The following NEDD4L variants were observed in gnomAD, a reference collection of about 807,000 sequenced individuals.
The protein encoded by NEDD4L is NEDD4 like E3 ubiquitin protein ligase, also known as E3 ubiquitin-protein ligase NEDD4-like.
NEDD4L carries 54 observed loss-of-function variants against 148.9 expected under a neutral mutation model. The observed-to-expected ratio is 0.36, with a 90% CI of 0.29 to 0.45. The LOEUF (loss-of-function observed/expected upper bound fraction) is 0.45. NEDD4L is among the 20% of genes least tolerant of loss of function. NEDD4L has a pLI of 1.00. For synonymous variants in NEDD4L, 433 were observed against 440.7 expected (o/e 0.98, Z 0.22); for missense variants, 856 against 1,233.8 (o/e 0.69, Z 4.59).
At chr18:58,291,326 T>C (rs1406289502) in intron 5 of NEDD4L, among the ~76,000 whole-genome samples, 6 of 152,250 alleles carry the variant, frequency 3.9e-5, no homozygotes. Flanking sequence ...TAGCCAAAAC[T>C]GGTAAGATGG....
chr18:58,356,805 T>C (rs1283941480), intron 18 of NEDD4L, among the ~76,000 whole-genome samples: 1 of 152,254 alleles, frequency 6.6e-6, no homozygotes, highest in East Asian at 1.9e-4. Flanking sequence ...ATCGTGTGTG[T>C]GTTTGTTAGC....
At chr18:58,323,430 G>T in intron 8 of NEDD4L, 96 bp downstream of exon 8, 1 of 721,596 alleles carries the variant, frequency 1.4e-6, no homozygotes. Flanking sequence ...AGTTTAGAAA[G>T]CTTAAATATA....
chr18:58,111,642 C>G (rs1456758644), intron 1 of NEDD4L, among the ~76,000 whole-genome samples: 1 of 152,118 alleles, frequency 6.6e-6, no homozygotes, highest in Non-Finnish European at 1.5e-5. Context: ...AAATACTAGT[C>G]TGTTGTATGG....
chr18:58,118,060 A>G (rs2085971734), intron 1 of NEDD4L, among the ~76,000 whole-genome samples: 1 of 152,220 alleles, frequency 6.6e-6, no homozygotes, highest in African/African-American at 2.4e-5. Flanking sequence ...TTGTCCCCTC[A>G]AGATGACTTA....
At chr18:58,281,583 A>G (rs562735076) in intron 5 of NEDD4L, among the ~76,000 whole-genome samples, 40 of 152,120 alleles carry the variant, frequency 2.6e-4, no homozygotes, top group African/African-American at 8.2e-4. Flanking sequence ...TTACCAAACA[A>G]TATTAACAAG....
chr18:58,115,149 G>C (rs1177456207), intron 1 of NEDD4L, among the ~76,000 whole-genome samples: 1 of 152,002 alleles, frequency 6.6e-6, no homozygotes, highest in Non-Finnish European at 1.5e-5. Flanking sequence ...TGTGAACCTG[G>C]CTCACTGGCC....
At chr18:58,048,786 G>A (rs922267047) in intron 1 of NEDD4L, among the ~76,000 whole-genome samples, 11 of 152,108 alleles carry the variant, frequency 7.2e-5, no homozygotes, top group African/African-American at 2.7e-4. Context: ...CCTAGTTACA[G>A]TCAGTGGCTG....
At chr18:58,270,533 C>T (rs903010026) in intron 5 of NEDD4L, among the ~76,000 whole-genome samples, 7 of 152,160 alleles carry the variant, frequency 4.6e-5, no homozygotes, top group Non-Finnish European at 5.9e-5. Context: ...CATATCTGAA[C>T]AATTTTTTGA....
At chr18:58,233,598 G>A (rs2045526911) in intron 2 of NEDD4L, among the ~76,000 whole-genome samples, 1 of 152,230 alleles carries the variant, frequency 6.6e-6, no homozygotes, top group South Asian at 2.1e-4. Flanking sequence ...TGGGAACACA[G>A]CCAAACCATA....
chr18:58,369,169 T>C (rs749940227), intron 22 of NEDD4L, among the ~76,000 whole-genome samples: 3 of 152,160 alleles, frequency 2.0e-5, no homozygotes, highest in African/African-American at 4.8e-5. Flanking sequence ...AGGGAATCTT[T>C]CCCAGGATGA....
intron 16 of NEDD4L, among the ~76,000 whole-genome samples, chr18:58,344,236 T>G (rs1489886310): frequency 6.6e-6 from 1 of 152,218 alleles, no homozygotes; most frequent in African/African-American, 2.4e-5. Flanking sequence ...TGGGCTGTCA[T>G]TTTATGCCTT....
At chr18:58,194,103 T>C (rs772558156) in intron 2 of NEDD4L, 1 of 152,186 alleles carries the variant, frequency 6.6e-6, no homozygotes, top group Admixed American at 6.5e-5. Flanking sequence ...AGAATGAAGG[T>C]TGGAAAGAAG....
At chr18:58,317,934 A>G (rs901805693) in intron 6 of NEDD4L, among the ~76,000 whole-genome samples, 4 of 152,218 alleles carry the variant, frequency 2.6e-5, no homozygotes, top group African/African-American at 9.6e-5. Context: ...AAGAAAACAA[A>G]AGGAGAGGCG....
In NEDD4L at chr18:58,327,431, C is replaced by T. The variant is rs560265483; in HGVS notation, c.681-1564C>T. Among the ~76,000 whole-genome samples the T allele has an allele frequency of 3.3e-5, 5 of 152,258 alleles. No homozygotes were observed. The East Asian group carries it at 9.7e-4, about 29-fold the overall frequency. Reference sequence around the variant, plus strand: ...AGTTCTTAATCCAAGTTCGGGCTCACATGTAGTTTTGGGAGAAGGCAGAGG... The same window carrying T: ...AGTTCTTAATCCAAGTTCGGGCTCATATGTAGTTTTGGGAGAAGGCAGAGG... On this transcript the variant is annotated intron_variant, in intron 9 of 30. Coordinates refer to ENST00000400345, the MANE Select transcript of NEDD4L (RefSeq NM_001144967.3).
intron 1 of NEDD4L, among the ~76,000 whole-genome samples, chr18:58,148,677 C>G (rs749968652): frequency 2.0e-5 from 3 of 152,192 alleles, no homozygotes; most frequent in African/African-American, 7.2e-5. Flanking sequence ...AGGGCCCACC[C>G]GTGTGACCTC....
At chr18:58,122,022 C>T (rs1246094859) in intron 1 of NEDD4L, among the ~76,000 whole-genome samples, 1 of 152,230 alleles carries the variant, frequency 6.6e-6, no homozygotes, top group African/African-American at 2.4e-5. Context: ...TCGTTCTGCT[C>T]AGAGCTTTGT....
Position 58,165,789 on chromosome 18 carries a change from G to A in NEDD4L, c.50G>A (p.Gly17Glu). ...EPVYGLSEDE[G>E]ESRILRVKVV... Reference sequence around the variant, plus strand: ...CTTTTTTTGTTCTCCTTCTCACAGGGAGAGTCCCGTATTCTCAGAGTAAAA... The same window carrying A: ...CTTTTTTTGTTCTCCTTCTCACAGGAAGAGTCCCGTATTCTCAGAGTAAAA... The change falls in exon 2 of 31, where the codon GGA (glycine) becomes GAA (glutamate). Residue 17 changes from glycine to glutamate, a missense_variant and splice_region_variant. By Grantham distance (98) the Gly-to-Glu change is moderately conservative. Coordinates refer to ENST00000400345, the MANE Select transcript of NEDD4L (RefSeq NM_001144967.3). 1 of 1,609,928 alleles carries A rather than the reference G, an allele frequency of 6.2e-7. No homozygotes were observed. The highest frequency in any genetic ancestry group is 1.1e-5 in the South Asian group (1 of 89,994).
intron 1 of NEDD4L, among the ~76,000 whole-genome samples, chr18:58,125,371 G>T (rs1463670059): frequency 6.6e-6 from 1 of 151,838 alleles, no homozygotes; most frequent in African/African-American, 2.4e-5. Flanking sequence ...GTGTGTGTGT[G>T]TGTGTGTGTG....
chr18:58,119,590 A>C (rs2086090762), intron 1 of NEDD4L, among the ~76,000 whole-genome samples: 1 of 152,194 alleles, frequency 6.6e-6, no homozygotes, highest in South Asian at 2.1e-4. Flanking sequence ...ATTGCTGGTG[A>C]ATGTCACCAA....
Sources: allele counts gnomAD v4.1 joint callset (sites outside exome capture counted in the v4.1 genomes callset), GRCh38; gene constraint gnomAD v4.1.1; transcripts MANE v1.5; gene names NCBI Gene and HGNC (gene_info 2026-07-23, HGNC 2026-07-21).